The following EFCAB13 variants were observed in gnomAD, a reference collection of about 807,000 sequenced individuals.
The protein encoded by EFCAB13 is EF-hand calcium-binding domain-containing protein 13.
EFCAB13 carries 91 observed loss-of-function variants against 110.2 expected under a neutral mutation model. That is an observed-to-expected ratio of 0.83 (90% CI 0.70 to 0.98). The LOEUF is 0.98. EFCAB13 is among the 50% of genes least tolerant of loss of function. The probability of loss-of-function intolerance (pLI) is 0.00; values close to 1 mark genes in which losing one functional copy is unlikely to be tolerated. For missense variants in EFCAB13, 968 were observed against 1,119.4 expected (o/e 0.86, Z 1.93); for synonymous variants, 323 against 369.9 (o/e 0.87, Z 1.45).
In EFCAB13 at chr17:47,347,846, A is replaced by C. The variant is rs1452461213; in HGVS notation, c.556A>C (p.Ser186Arg). ...KACKIFSKIR[S>R]GKIYVNDLPV... is the part of the protein sequence containing the mutation. ...CTGTAAAATTTTTAGTAAAATTCGA[A>C]GTGGTAAGATTTATGTGAATGATCT... The change falls in exon 9 of 25, where the codon AGT (serine) becomes CGT (arginine). Residue 186 changes from serine (S) to arginine (R), a missense_variant. Transcript: ENST00000331493. 6.5e-7 allele frequency: 1 copy of C among 1,533,184 alleles called. No homozygotes were observed. Among genetic ancestry groups the C allele is most frequent in the Non-Finnish European group, 8.9e-7 (1 of 1,128,294 alleles). The allele number at this position is 1,533,184 out of a possible 1,614,324, so 95.0% of individuals were successfully genotyped here. A position where few individuals can be genotyped will look rare whatever the true frequency, so the allele number is the denominator to read the frequency against.
At chr17:47,434,945 A>G (rs1292583021) in intron 24 of EFCAB13, among the ~76,000 whole-genome samples, 1 of 152,236 alleles carries the variant, frequency 6.6e-6, no homozygotes, top group Non-Finnish European at 1.5e-5. Context: ...TATAGAATAT[A>G]ACATTAGAAA....
chr17:47,439,804 A>G (rs754625535), intron 24 of EFCAB13, among the ~76,000 whole-genome samples: 10 of 151,970 alleles, frequency 6.6e-5, no homozygotes, highest in Non-Finnish European at 1.3e-4. Flanking sequence ...GATATACCAT[A>G]TATCTGTTTA....
At chr17:47,325,024 A>ACC (rs10639943) in intron 2 of EFCAB13, among the ~76,000 whole-genome samples, 1 of 33,532 alleles carries the variant, frequency 3.0e-5, no homozygotes, top group Non-Finnish European at 6.5e-5. Context: ...CGCCCACCCC[A>ACC]CCCCCCTTTT....
intron 5 of EFCAB13, among the ~76,000 whole-genome samples, chr17:47,339,471 A>G (rs1310591555): frequency 1.3e-5 from 2 of 152,088 alleles, no homozygotes; most frequent in Admixed American, 6.5e-5. Context: ...ACAGTTCACA[A>G]TAGGATTTGT....
chr17:47,440,817 C>T lies in EFCAB13; in HGVS notation c.*103C>T, dbSNP rs1204092305. On this transcript the variant is annotated 3_prime_UTR_variant, in exon 25 of 25. Transcript: ENST00000331493. ...AGAAAATAATTTTTAAAACTTTTGACAAATCCAGTAGAATTTTTATCACTA... is the reference window on the plus strand; with the variant it reads ...AGAAAATAATTTTTAAAACTTTTGATAAATCCAGTAGAATTTTTATCACTA... The T allele has an allele frequency of 2.0e-6, 2 of 996,902 alleles. No individual in the cohort carries two copies. The highest frequency in any genetic ancestry group is 2.8e-6 in the Non-Finnish European group (2 of 712,132). The allele number at this position is 996,902 out of a possible 1,614,324, so 61.8% of individuals were successfully genotyped here.
chr17:47,415,814 C>T (rs1567803932), intron 23 of EFCAB13, among the ~76,000 whole-genome samples: 1 of 152,190 alleles, frequency 6.6e-6, no homozygotes, highest in Non-Finnish European at 1.5e-5. Context: ...TAATACCACA[C>T]TATCTATGTT....
chr17:47,397,157 G>A (rs9897492), intron 17 of EFCAB13, among the ~76,000 whole-genome samples: 77,983 of 150,910 alleles, frequency 0.52, 20,628 homozygotes, highest in Middle Eastern at 0.56. Flanking sequence ...AATTGCAGGC[G>A]CGCGCCGCCA....
chr17:47,439,515 G>A (rs925178841), intron 24 of EFCAB13, among the ~76,000 whole-genome samples: 2 of 152,008 alleles, frequency 1.3e-5, no homozygotes, highest in Non-Finnish European at 2.9e-5. Flanking sequence ...AGCTGACTGC[G>A]CTGGTCCTAA....
At chr17:47,361,191 TA>T (rs1351213478) in intron 9 of EFCAB13, among the ~76,000 whole-genome samples, 186 bp from the exon 10 acceptor site, 1 of 152,140 alleles carries the variant, frequency 6.6e-6, no homozygotes, top group East Asian at 1.9e-4. Flanking sequence ...TATGGAGAAA[TA>T]AAAGACCAAT....
At chr17:47,379,787 A>C (rs749619803) in intron 14 of EFCAB13, among the ~76,000 whole-genome samples, 7 of 152,190 alleles carry the variant, frequency 4.6e-5, no homozygotes, top group Non-Finnish European at 7.3e-5. Flanking sequence ...AGCAAGATTA[A>C]AATGAGAAAC....
intron 9 of EFCAB13, among the ~76,000 whole-genome samples, chr17:47,356,652 G>C (rs1224128890): frequency 6.6e-6 from 1 of 152,174 alleles, no homozygotes; most frequent in Non-Finnish European, 1.5e-5. Flanking sequence ...ACTCTATTAG[G>C]GTCCTTGGTT....
chr17:47,410,513 T>A (rs947080070), intron 21 of EFCAB13, among the ~76,000 whole-genome samples: 1 of 152,164 alleles, frequency 6.6e-6, no homozygotes, highest in African/African-American at 2.4e-5. Flanking sequence ...ATTCATTCCA[T>A]CTTGGTAGCC....
intron 21 of EFCAB13, among the ~76,000 whole-genome samples, chr17:47,411,834 G>T (rs1465276330): frequency 6.6e-6 from 1 of 152,226 alleles, no homozygotes; most frequent in African/African-American, 2.4e-5. Flanking sequence ...TCTGATGCCT[G>T]TAATCTCAGC....
intron 8 of EFCAB13, among the ~76,000 whole-genome samples, chr17:47,346,055 A>G (rs940507269): frequency 1.3e-5 from 2 of 150,456 alleles, no homozygotes; most frequent in African/African-American, 2.5e-5. Context: ...TTATTGTGGT[A>G]AAAATATTTA....
At chr17:47,353,877 T>C (rs558855645) in intron 9 of EFCAB13, among the ~76,000 whole-genome samples, 1 of 152,280 alleles carries the variant, frequency 6.6e-6, no homozygotes, top group East Asian at 1.9e-4. Context: ...CAGTTTCATG[T>C]AGTTCTTCTC....
At chr17:47,370,557 TTTACATTAAATC>T in intron 11 of EFCAB13, 49 bp downstream of exon 11, 1 of 1,242,594 alleles carries the variant, frequency 8.0e-7, no homozygotes, top group East Asian at 2.4e-5. Flanking sequence ...AATTAAAGTC[TTTACATTAAATC>T]TTAATTTATA....
intron 4 of EFCAB13, among the ~76,000 whole-genome samples, chr17:47,333,553 T>C (rs1014047180): frequency 1.3e-5 from 2 of 152,198 alleles, no homozygotes; most frequent in Non-Finnish European, 2.9e-5. Flanking sequence ...TTCTTGTAAC[T>C]TTACAGTTTT....
At chr17:47,398,761 C>T (rs2143436073) in intron 17 of EFCAB13, among the ~76,000 whole-genome samples, 1 of 151,344 alleles carries the variant, frequency 6.6e-6, no homozygotes, top group African/African-American at 2.4e-5. Flanking sequence ...GACCTTTGTT[C>T]ACTTGTTTAT....
chr17:47,379,171 T>A lies in EFCAB13; in HGVS notation c.1511-11T>A. On this transcript the variant is annotated splice_polypyrimidine_tract_variant and intron_variant, in intron 13 of 24. Coordinates refer to ENST00000331493, the MANE Select transcript of EFCAB13 (RefSeq NM_152347.5). ...ACCAGAATGTATAATCTAAACTCTT[T>A]TTAAAAACAGAGAATGGAATGGTGG... The A allele has an allele frequency of 6.2e-7, 1 of 1,611,142 alleles. No homozygotes were observed.
Sources: allele counts gnomAD v4.1 joint callset (sites outside exome capture counted in the v4.1 genomes callset), GRCh38; gene constraint gnomAD v4.1.1; transcripts MANE v1.5; gene names NCBI Gene and HGNC (gene_info 2026-07-23, HGNC 2026-07-21).